The following IQUB variants were observed in gnomAD, a reference collection of about 807,000 sequenced individuals.
IQUB encodes the protein IQ motif and ubiquitin domain containing, also known as IQ motif and ubiquitin-like domain-containing protein.
A neutral mutation model predicts 86.4 loss-of-function variants in IQUB; 86 were observed. The ratio of observed to expected loss-of-function variants is 1.00; its 90% confidence interval spans 0.84 to 1.19. The LOEUF (loss-of-function observed/expected upper bound fraction) is 1.19, where lower values mean the gene tolerates loss of function less well. IQUB is among the 50% of genes most tolerant of loss of function. The pLI is 0.00. For synonymous variants in IQUB, 289 were observed against 304.5 expected (o/e 0.95, Z 0.53); for missense variants, 946 against 916.9 (o/e 1.03, Z -0.41).
intron 7 of IQUB, among the ~76,000 whole-genome samples, chr7:123,489,978 C>A (rs1357868859): frequency 2.0e-5 from 3 of 151,644 alleles, no homozygotes; most frequent in Non-Finnish European, 2.9e-5. Flanking sequence ...AGAAATAAAT[C>A]TTTAAAAATA....
intron 9 of IQUB, 104 bp downstream of exon 9, chr7:123,469,110 C>T: frequency 4.8e-6 from 4 of 834,034 alleles, no homozygotes; most frequent in South Asian, 3.5e-5. Flanking sequence ...CAAATTATAC[C>T]AAAACAATTC....
At chr7:123,480,387 G>A (rs764965755) in intron 7 of IQUB, among the ~76,000 whole-genome samples, 3 of 152,102 alleles carry the variant, frequency 2.0e-5, no homozygotes, top group Admixed American at 6.6e-5. Flanking sequence ...TGAAGCTGAG[G>A]TCACACTCTG....
intron 8 of IQUB, among the ~76,000 whole-genome samples, chr7:123,470,317 T>C (rs1009592574): frequency 7.9e-5 from 12 of 152,218 alleles, no homozygotes; most frequent in African/African-American, 2.4e-4. Context: ...CTTTCCCTAA[T>C]GATAATTTTT....
intron 8 of IQUB, among the ~76,000 whole-genome samples, chr7:123,478,164 A>G (rs1293648302): frequency 1.3e-5 from 2 of 152,208 alleles, no homozygotes; most frequent in Non-Finnish European, 2.9e-5. Context: ...GGCACTCTTC[A>G]CAATAGCAAA....
chr7:123,464,837 A>T lies in IQUB; in HGVS notation c.1754T>A (p.Leu585His). 1 of 1,568,876 alleles carries T rather than the reference A, an allele frequency of 6.4e-7. No individual in the cohort carries two copies. Residue 585 changes from leucine to histidine, a missense_variant, in exon 10 of 13, where the codon CTT becomes CAT. By Grantham distance (99) the Leu-to-His change is moderately conservative. Transcript: ENST00000324698. Reference sequence around the variant, plus strand: ...ATAGAGAAAAATGTAGAATACCTTAAGGTATTTTGCAACTTCAGGATTAAA... The same window carrying T: ...ATAGAGAAAAATGTAGAATACCTTATGGTATTTTGCAACTTCAGGATTAAA... ...PLFNPEVAKYLKVPQDPLKFY... is the reference protein window; with the variant it reads ...PLFNPEVAKYHKVPQDPLKFY...
intron 7 of IQUB, among the ~76,000 whole-genome samples, chr7:123,488,082 A>G (rs922556215): frequency 3.2e-4 from 49 of 152,122 alleles, no homozygotes; most frequent in Non-Finnish European, 5.9e-5. Flanking sequence ...TCAGTGGCTC[A>G]TGTCTGTAAT....
chr7:123,509,751 T>A, intron 3 of IQUB, 150 bp downstream of exon 3: 1 of 669,970 alleles, frequency 1.5e-6, no homozygotes, highest in South Asian at 1.9e-5. Flanking sequence ...AGTATGTCCT[T>A]ACTAAATATG....
intron 1 of IQUB, among the ~76,000 whole-genome samples, chr7:123,531,819 T>C (rs1369640068): frequency 6.6e-6 from 1 of 152,232 alleles, no homozygotes; most frequent in Non-Finnish European, 1.5e-5. Context: ...GCCCAAGACT[T>C]ATTTAATGTG....
At chr7:123,457,887 A>G (rs1474987995) in intron 11 of IQUB, 1 of 199,600 alleles carries the variant, frequency 5.0e-6, no homozygotes, top group African/African-American at 2.4e-5. Flanking sequence ...ATGATCTTTA[A>G]AATTCATTAG....
chr7:123,508,600 A>G (rs1175526259), intron 3 of IQUB, among the ~76,000 whole-genome samples: 1 of 152,226 alleles, frequency 6.6e-6, no homozygotes, highest in African/African-American at 2.4e-5. Flanking sequence ...CCTAAAGACG[A>G]AAGGTCATGA....
chr7:123,512,427 C>A, intron 1 of IQUB, 83 bp from the exon 2 acceptor site: 1 of 725,302 alleles, frequency 1.4e-6, no homozygotes, highest in South Asian at 3.1e-5. Flanking sequence ...TATAGAGTAA[C>A]ATTCATAATA....
Position 123,492,615 on chromosome 7 carries a change from C to T in IQUB, c.1234+4081G>A, listed in dbSNP as rs190920363. ...CTGAAAGAATGGAAACCTGCCTGAG[C>T]GGGGAAAGGGTAGATCCTCTGAACA... On this transcript the variant is annotated intron_variant, in intron 7 of 12. Coordinates refer to ENST00000324698, the MANE Select transcript of IQUB (RefSeq NM_178827.5). 1.9e-3 allele frequency among the ~76,000 whole-genome samples: 282 copies of T among 152,192 alleles called. 3 individuals are homozygous for T. Among genetic ancestry groups the T allele is most frequent in the Middle Eastern group, 3.4e-3 (1 of 294 alleles).
intron 12 of IQUB, among the ~76,000 whole-genome samples, chr7:123,453,964 A>C (rs1214174245): frequency 6.6e-6 from 1 of 152,138 alleles, no homozygotes; most frequent in Non-Finnish European, 1.5e-5. Flanking sequence ...TACTACCTAT[A>C]CTTCTTCCTA....
chr7:123,461,037 T>G (rs1793954125), intron 11 of IQUB, among the ~76,000 whole-genome samples: 2 of 151,736 alleles, frequency 1.3e-5, no homozygotes, highest in South Asian at 2.1e-4. Flanking sequence ...ACCATTATGG[T>G]CACATTTGGT....
chr7:123,502,906 T>C (rs1254080511), intron 5 of IQUB, 38 bp downstream of exon 5: 1 of 1,541,320 alleles, frequency 6.5e-7, no homozygotes, highest in African/African-American at 1.4e-5. Context: ...ATTGAGTCTA[T>C]ACCTTCAAAA....
chr7:123,526,505 A>G (rs559462994), intron 1 of IQUB, among the ~76,000 whole-genome samples: 2 of 152,136 alleles, frequency 1.3e-5, no homozygotes, highest in African/African-American at 4.8e-5. Flanking sequence ...GTTTTATCAG[A>G]GACTAGGATT....
chr7:123,529,745 A>C (rs1463148743), intron 1 of IQUB, among the ~76,000 whole-genome samples: 2 of 147,144 alleles, frequency 1.4e-5, no homozygotes, highest in South Asian at 2.1e-4. Context: ...AAAAAAAAAA[A>C]AAAAAACAGG....
intron 7 of IQUB, among the ~76,000 whole-genome samples, chr7:123,494,511 C>T (rs1795627775): frequency 6.6e-6 from 1 of 152,110 alleles, no homozygotes; most frequent in African/African-American, 2.4e-5. Context: ...TATTCCAAGG[C>T]TTTTAATTTG....
intron 1 of IQUB, among the ~76,000 whole-genome samples, chr7:123,530,454 AAAACAACAAC>A (rs1384910449): frequency 6.6e-6 from 1 of 152,102 alleles, no homozygotes; most frequent in East Asian, 1.9e-4. Flanking sequence ...AACCAAAAAC[AAAACAACAAC>A]AAACAACAAC....
Sources: allele counts gnomAD v4.1 joint callset (sites outside exome capture counted in the v4.1 genomes callset), GRCh38; gene constraint gnomAD v4.1.1; transcripts MANE v1.5; gene names NCBI Gene and HGNC (gene_info 2026-07-23, HGNC 2026-07-21).